Variants in OR51E2 observed in about 807,000 individuals in gnomAD.
OR51E2 encodes the protein olfactory receptor 51E2.
In OR51E2, 14 loss-of-function variants were observed where a neutral mutation model predicts 13.7. The observed-to-expected ratio is 1.02, with a 90% CI of 0.68 to 1.60. OR51E2 has a LOEUF of 1.60. Among genes scored for constraint, OR51E2 ranks in the 40% most tolerant of loss-of-function variants. OR51E2 has a pLI of 0.00. For missense variants in OR51E2, 483 were observed against 413.8 expected (o/e 1.17, Z -1.45); for synonymous variants, 180 against 157.6 (o/e 1.14, Z -1.07).
rs141289065 is a variant in OR51E2, at chr11:4,681,347, T to C, written c.*402A>G. The C allele has an allele frequency of 3.5e-3, 633 of 180,796 alleles. 5 individuals carry two copies. Among genetic ancestry groups the C allele is most frequent in the African/African-American group, 0.016 (577 of 36,370 alleles). The allele number at this position is 180,796 out of a possible 1,614,324, so 11.2% of individuals were successfully genotyped here. On this transcript the variant is annotated 3_prime_UTR_variant, in exon 2 of 2. Transcript: ENST00000396950. ...AGCCTGGTGACAGAGCGAGACCCCA[T>C]CTCAAAAAAAAAAAAAGTTGTATGT...
At position 4,681,557 on chromosome 11, in the gene OR51E2, A is replaced by T; in HGVS notation, c.*192T>A. 1 of 607,062 alleles carries T rather than the reference A, an allele frequency of 1.6e-6. No homozygotes were observed. The highest frequency in any genetic ancestry group is 2.8e-6 in the Non-Finnish European group (1 of 351,086). 37.6% of individuals were successfully genotyped at this position (607,062 alleles called of 1,614,324 possible). On this transcript the variant is annotated 3_prime_UTR_variant, in exon 2 of 2. Transcript: ENST00000396950. ...CATGTTTGGTTTTATTGTAGTCTTTAAATCATGTAATACTTCATTAGTATG... is the reference window on the plus strand; with the variant it reads ...CATGTTTGGTTTTATTGTAGTCTTTTAATCATGTAATACTTCATTAGTATG...
chr11:4,684,570 T>C (rs1847494509), intron 1 of OR51E2, among the ~76,000 whole-genome samples: 2 of 152,268 alleles, frequency 1.3e-5, no homozygotes, highest in Admixed American at 1.3e-4. Context: ...GACGTATATT[T>C]ACTTTCTTAA....
chr11:4,682,298 T>C lies in OR51E2; in HGVS notation c.414A>G (p.Thr138=). ...PLRHAAVLNN[T]VTAQIGIVAV... ...CCACGATGCCAATCTGGGCTGTTACTGTATTGTTGAGCACTGCAGCATGGC... is the reference window on the plus strand; with the variant it reads ...CCACGATGCCAATCTGGGCTGTTACCGTATTGTTGAGCACTGCAGCATGGC... The change falls in exon 2 of 2, where the codon ACA becomes ACG. Residue 138 remains threonine (T), a synonymous_variant. Coordinates refer to ENST00000396950, the MANE Select transcript of OR51E2 (RefSeq NM_030774.4). 1.2e-6 allele frequency: 2 copies of C among 1,614,156 alleles called. No homozygotes were observed. Among genetic ancestry groups the C allele is most frequent in the Non-Finnish European group, 1.7e-6 (2 of 1,180,036 alleles).
In OR51E2 at chr11:4,682,274, C is replaced by T. The variant is rs1344905860; in HGVS notation, c.438G>A (p.Val146=). 3.7e-6 allele frequency: 6 copies of T among 1,614,186 alleles called. No homozygotes were observed. The highest frequency in any genetic ancestry group is 4.2e-6 in the Non-Finnish European group (5 of 1,180,050). The change falls in exon 2 of 2, where the codon GTG becomes GTA. Residue 146 remains valine (V), a synonymous_variant. Transcript: ENST00000396950. ...AAAAGAGGGATCCGCGGACCACAGCCACGATGCCAATCTGGGCTGTTACTG... is the reference window on the plus strand; with the variant it reads ...AAAAGAGGGATCCGCGGACCACAGCTACGATGCCAATCTGGGCTGTTACTG... ...NNTVTAQIGI[V]AVVRGSLFFF...
chr11:4,689,311 A>G (rs1379773298), intron 1 of OR51E2, among the ~76,000 whole-genome samples: 1 of 152,222 alleles, frequency 6.6e-6, no homozygotes, highest in Non-Finnish European at 1.5e-5. Flanking sequence ...ACCAGAAAAG[A>G]AACAGCCTAT....
In OR51E2 at chr11:4,682,097, G is replaced by C. The variant is rs778155632; in HGVS notation, c.615C>G (p.Val205=). The change falls in exon 2 of 2, where the codon GTC becomes GTG. Residue 205 remains valine, a synonymous_variant. Coordinates refer to ENST00000396950, the MANE Select transcript of OR51E2 (RefSeq NM_030774.4). ...AGATGAACATTACGTCCACGCCCAT[G>C]ACCAGCAGAATGGCAGTAAGACCAT... The part of the protein sequence containing the change: ...VVYGLTAILL[V]MGVDVMFISL... 6.2e-6 allele frequency: 10 copies of C among 1,614,078 alleles called. No individual in the cohort carries two copies. Among genetic ancestry groups the C allele is most frequent in the Non-Finnish European group, 7.6e-6 (9 of 1,180,046 alleles).
Position 4,682,718 on chromosome 11 carries a change from A to G in OR51E2, c.-7T>C. 1.2e-6 allele frequency: 2 copies of G among 1,610,862 alleles called. No individual in the cohort carries two copies. Among genetic ancestry groups the G allele is most frequent in the Non-Finnish European group, 1.7e-6 (2 of 1,177,966 alleles). ...TGAAGTTGCAGGAACTCATAGCTGGAACTGAGGAGGGGTGACTGGAGAGGG... is the reference window on the plus strand; with the variant it reads ...TGAAGTTGCAGGAACTCATAGCTGGGACTGAGGAGGGGTGACTGGAGAGGG... On this transcript the variant is annotated 5_prime_UTR_variant, in exon 2 of 2. Transcript: ENST00000396950.
intron 1 of OR51E2, chr11:4,692,083 G>C: frequency 2.4e-6 from 1 of 421,530 alleles, no homozygotes. Context: ...GTGCTAAAGA[G>C]GTAGTGCATT....
chr11:4,692,003 C>A (rs1376035355), intron 1 of OR51E2, among the ~76,000 whole-genome samples: 1 of 152,148 alleles, frequency 6.6e-6, no homozygotes, highest in East Asian at 1.9e-4. Context: ...CCATAGATAA[C>A]CAAACTAAGA....
intron 1 of OR51E2, chr11:4,692,060 G>A: frequency 2.7e-6 from 1 of 371,626 alleles, no homozygotes; most frequent in Non-Finnish European, 5.3e-6. Context: ...ATTCTTTATG[G>A]CATGTTTAAA....
At chr11:4,688,418 A>G (rs1424361607) in intron 1 of OR51E2, among the ~76,000 whole-genome samples, 1 of 152,212 alleles carries the variant, frequency 6.6e-6, no homozygotes, top group African/African-American at 2.4e-5. Flanking sequence ...GATGAGTTTA[A>G]GAAAATATTT....
At position 4,682,054 on chromosome 11, in the gene OR51E2, T is replaced by C. The variant is rs1485645714; in HGVS notation, c.658A>G (p.Ile220Val). ...GGCAGTTGCAGAACCGTTCGTATTA[T>C]CAGAAAATAGGACAAGGAGATGAAC... is the stretch of plus-strand genomic sequence containing the variant. Reference protein sequence around the residue: ...VMFISLSYFLIIRTVLQLPSK... With the variant: ...VMFISLSYFLVIRTVLQLPSK... Residue 220 changes from isoleucine (I) to valine (V), a missense_variant, in exon 2 of 2, where the codon ATA becomes GTA. Coordinates refer to ENST00000396950, the MANE Select transcript of OR51E2 (RefSeq NM_030774.4). 1.2e-6 allele frequency: 2 copies of C among 1,614,150 alleles called. No individual in the cohort carries two copies. Among genetic ancestry groups the C allele is most frequent in the Non-Finnish European group, 1.7e-6 (2 of 1,180,036 alleles).
intron 1 of OR51E2, chr11:4,691,635 T>A (rs1397274829): frequency 2.3e-6 from 1 of 440,320 alleles, no homozygotes; most frequent in Admixed American, 2.5e-5. Context: ...GTGGAAGGCT[T>A]CCAGCCCAGG....
intron 1 of OR51E2, among the ~76,000 whole-genome samples, chr11:4,683,309 A>G (rs1440320893): frequency 6.6e-6 from 1 of 152,218 alleles, no homozygotes; most frequent in Non-Finnish European, 1.5e-5. Flanking sequence ...CAAGGCAGTG[A>G]GGATAGGAGA....
intron 1 of OR51E2, among the ~76,000 whole-genome samples, chr11:4,696,738 A>G (rs1671980129): frequency 6.6e-6 from 1 of 152,058 alleles, no homozygotes; most frequent in Non-Finnish European, 1.5e-5. Context: ...TCTCTCAACT[A>G]ATTTTTCTGC....
intron 1 of OR51E2, chr11:4,691,444 A>T: frequency 2.2e-6 from 1 of 457,334 alleles, no homozygotes; most frequent in Non-Finnish European, 4.4e-6. Flanking sequence ...TTGAACCAGA[A>T]TATACTCAGC....
chr11:4,689,670 C>T (rs1393579640), intron 1 of OR51E2, among the ~76,000 whole-genome samples: 1 of 152,080 alleles, frequency 6.6e-6, no homozygotes, highest in Non-Finnish European at 1.5e-5. Flanking sequence ...CATTACATGA[C>T]CATTATGACA....
intron 1 of OR51E2, among the ~76,000 whole-genome samples, chr11:4,696,243 C>T (rs1005742989): frequency 1.3e-5 from 2 of 152,154 alleles, no homozygotes; most frequent in African/African-American, 4.8e-5. Flanking sequence ...CTATATGAGA[C>T]AAATGGAACT....
rs144380055 is a variant in OR51E2 at position 4,693,683 on chromosome 11, T to C, written c.-51+3970A>G. Among the ~76,000 whole-genome samples the C allele has an allele frequency of 4.7e-3, 719 of 152,032 alleles. 3 individuals carry two copies. Among genetic ancestry groups the C allele is most frequent in the African/African-American group, 5.6e-3 (234 of 41,468 alleles). On this transcript the variant is annotated intron_variant, in intron 1 of 1. Transcript: ENST00000396950. Reference sequence around the variant, plus strand: ...TTCCAGGTGAACCGAGATGGCGCCATTGCACTCCAACCTGGGCGACAGAGC... The same window carrying C: ...TTCCAGGTGAACCGAGATGGCGCCACTGCACTCCAACCTGGGCGACAGAGC...
Sources: allele counts gnomAD v4.1 joint callset (sites outside exome capture counted in the v4.1 genomes callset), GRCh38; gene constraint gnomAD v4.1.1; transcripts MANE v1.5; gene names NCBI Gene and HGNC (gene_info 2026-07-23, HGNC 2026-07-21).